Variants in RSBN1 observed in about 807,000 individuals in gnomAD.
The protein encoded by RSBN1 is round spermatid basic protein 1, also known as lysine-specific demethylase 9.
A neutral mutation model predicts 74.8 loss-of-function variants in RSBN1; 23 were observed. That is an observed-to-expected ratio of 0.31 (90% confidence interval 0.22 to 0.44). RSBN1 has a LOEUF of 0.44. Among genes scored for constraint, RSBN1 ranks in the 20% least tolerant of loss-of-function variants. RSBN1 has a pLI of 1.00. For synonymous variants in RSBN1, 407 were observed against 379.6 expected, an observed-to-expected ratio of 1.07 and a Z score of -0.84; for missense variants, 808 against 1,020.9, an observed-to-expected ratio of 0.79 and a Z score of 2.84.
rs748779217 is a variant in RSBN1 at position 113,802,940 on chromosome 1, CATTA to C, written c.704-4908_704-4905del. 2.6e-4 allele frequency among the ~76,000 whole-genome samples: 39 copies of C among 152,240 alleles called. No homozygotes were observed. The East Asian group carries it at 2.9e-3, about 11-fold the overall frequency. On this transcript the variant is annotated intron_variant, in intron 1 of 6. Transcript: ENST00000261441. ...GGATAAATGTATGACATGTATCCAC[CATTA>C]ATTAAGTTGCATAAAGAGTAGTTTC...
At chr1:113,797,052 A>T (rs1660485850) in intron 2 of RSBN1, among the ~76,000 whole-genome samples, 1 of 152,252 alleles carries the variant, frequency 6.6e-6, no homozygotes, top group Admixed American at 6.5e-5. Context: ...TGAGACTAAC[A>T]GATCTCAATC....
intron 1 of RSBN1, among the ~76,000 whole-genome samples, chr1:113,804,798 G>A (rs1001199433): frequency 5.7e-4 from 86 of 151,260 alleles, no homozygotes; most frequent in African/African-American, 2.0e-3. Context: ...AAAAAGAAGT[G>A]TTTCTGGACT....
In RSBN1 at chr1:113,782,077, G is replaced by A. The variant is rs1571300150; in HGVS notation, c.1378-4269C>T. Among the ~76,000 whole-genome samples the A allele has an allele frequency of 2.6e-5, 4 of 152,080 alleles. No individual in the cohort carries two copies. The East Asian group carries it at 7.7e-4, about 29-fold the overall frequency. On this transcript the variant is annotated intron_variant, in intron 2 of 6. Coordinates refer to ENST00000261441, the MANE Select transcript of RSBN1 (RefSeq NM_018364.5). ...GCCCCTCCTGATCTATTATTCCAAGGGAATAACAGACCAAGATTTGCCACA... is the reference window on the plus strand; with the variant it reads ...GCCCCTCCTGATCTATTATTCCAAGAGAATAACAGACCAAGATTTGCCACA...
At chr1:113,807,483 G>A (rs1186440343) in intron 1 of RSBN1, among the ~76,000 whole-genome samples, 1 of 151,870 alleles carries the variant, frequency 6.6e-6, no homozygotes, top group Non-Finnish European at 1.5e-5. Context: ...TCAAGGGCCG[G>A]GCGCAGTGGC....
chr1:113,783,082 C>A (rs1216149845), intron 2 of RSBN1, among the ~76,000 whole-genome samples: 1 of 152,132 alleles, frequency 6.6e-6, no homozygotes, highest in East Asian at 1.9e-4. Context: ...AGTTTGCCAA[C>A]CCCCAATTTA....
At chr1:113,809,417 G>C (rs909659954) in intron 1 of RSBN1, among the ~76,000 whole-genome samples, 1 of 152,186 alleles carries the variant, frequency 6.6e-6, no homozygotes, top group Non-Finnish European at 1.5e-5. Context: ...CATGCCTCCT[G>C]CATACCACTG....
chr1:113,798,069 T>C (rs1660509639), intron 1 of RSBN1, 33 bp from the exon 2 acceptor site: 1 of 1,554,618 alleles, frequency 6.4e-7, no homozygotes. Flanking sequence ...AGTTAGTTGC[T>C]AGGACTAGTG....
chr1:113,780,298 C>T (rs1660113523), intron 2 of RSBN1, among the ~76,000 whole-genome samples: 3 of 152,182 alleles, frequency 2.0e-5, no homozygotes, highest in African/African-American at 7.2e-5. Flanking sequence ...TTATACAACT[C>T]AATGCATTAT....
intron 2 of RSBN1, among the ~76,000 whole-genome samples, chr1:113,792,230 T>G (rs939237497): frequency 6.6e-6 from 1 of 152,208 alleles, no homozygotes; most frequent in African/African-American, 2.4e-5. Flanking sequence ...CTCCTCTCCA[T>G]GTACATCCTT....
intron 2 of RSBN1, among the ~76,000 whole-genome samples, chr1:113,794,254 A>G (rs1318771250): frequency 6.6e-6 from 1 of 152,134 alleles, no homozygotes; most frequent in Non-Finnish European, 1.5e-5. Context: ...CATGGTTACT[A>G]TCGTAACTAA....
At chr1:113,800,041 T>C (rs2101821417) in intron 1 of RSBN1, among the ~76,000 whole-genome samples, 1 of 152,250 alleles carries the variant, frequency 6.6e-6, no homozygotes, top group South Asian at 2.1e-4. Flanking sequence ...GAGTTAAGAA[T>C]TTACTTGGTA....
intron 4 of RSBN1, among the ~76,000 whole-genome samples, chr1:113,770,322 G>A (rs2101792389): frequency 6.6e-6 from 1 of 152,280 alleles, no homozygotes; most frequent in South Asian, 2.1e-4. Context: ...AATAGCCTAA[G>A]CCAAGAGAAT....
chr1:113,807,328 A>C (rs1029594540), intron 1 of RSBN1, among the ~76,000 whole-genome samples: 1 of 151,530 alleles, frequency 6.6e-6, no homozygotes, highest in African/African-American at 2.4e-5. Flanking sequence ...AAAAAAAAAA[A>C]CAACCAAAAT....
intron 1 of RSBN1, among the ~76,000 whole-genome samples, chr1:113,810,921 G>A (rs1229972510): frequency 6.6e-6 from 1 of 152,158 alleles, no homozygotes; most frequent in Admixed American, 6.5e-5. Flanking sequence ...AATTTTTCTA[G>A]AATCCACATT....
chr1:113,770,470 A>G (rs1461669028), intron 4 of RSBN1, among the ~76,000 whole-genome samples: 2 of 152,242 alleles, frequency 1.3e-5, no homozygotes, highest in Non-Finnish European at 2.9e-5. Flanking sequence ...AGTTTGAACC[A>G]AAATTTTTGT....
intron 1 of RSBN1, among the ~76,000 whole-genome samples, chr1:113,802,187 C>T (rs1339310414): frequency 1.3e-5 from 2 of 151,926 alleles, no homozygotes; most frequent in African/African-American, 4.8e-5. Flanking sequence ...AACTCCTGAC[C>T]TCAAGTGATC....
rs1659736338 is a variant in RSBN1 at position 113,764,059 on chromosome 1, T to G, written c.*1921A>C. 1 of 151,930 alleles carries G rather than the reference T, an allele frequency of 6.6e-6. No homozygotes were observed. The highest frequency in any genetic ancestry group is 6.6e-5 in the Admixed American group (1 of 15,236). 9.4% of individuals were successfully genotyped at this position (151,930 alleles called of 1,614,324 possible). A position where few individuals can be genotyped will look rare whatever the true frequency, so the allele number is the denominator to read the frequency against. On this transcript the variant is annotated 3_prime_UTR_variant, in exon 7 of 7. Coordinates refer to ENST00000261441, the MANE Select transcript of RSBN1 (RefSeq NM_018364.5). ...GGTAAAGCTCTTCTGGACAGAAAAATAAAAACAAGAAATAACCCAAACCCA... is the reference window on the plus strand; with the variant it reads ...GGTAAAGCTCTTCTGGACAGAAAAAGAAAAACAAGAAATAACCCAAACCCA...
intron 3 of RSBN1, 42 bp from the exon 4 acceptor site, chr1:113,777,394 A>G (rs1660053310): frequency 6.4e-7 from 1 of 1,573,074 alleles, no homozygotes; most frequent in South Asian, 1.2e-5. Flanking sequence ...AATTGTTTCA[A>G]TGATTTATAA....
At chr1:113,810,936 T>C (rs12072840) in intron 1 of RSBN1, among the ~76,000 whole-genome samples, 1,956 of 152,326 alleles carry the variant, frequency 0.013, 18 homozygotes, top group Middle Eastern at 0.017. Context: ...CACATTTAAT[T>C]GGATACTCTG....
Sources: gnomAD v4.1 joint callset for allele counts (sites outside exome capture counted in the v4.1 genomes callset) on GRCh38, gnomAD v4.1.1 for gene constraint, MANE v1.5 for transcripts, NCBI Gene and HGNC (gene_info 2026-07-23, HGNC 2026-07-21) for gene names.